Variants in SLC30A9 observed in about 807,000 individuals in gnomAD.
The protein encoded by SLC30A9 is proton-coupled zinc antiporter SLC30A9, mitochondrial.
A neutral mutation model predicts 87.5 loss-of-function variants in SLC30A9; 58 were observed. The observed-to-expected ratio is 0.66, with a 90% confidence interval of 0.54 to 0.82. The LOEUF (loss-of-function observed/expected upper bound fraction) is 0.82. Among genes scored for constraint, SLC30A9 ranks in the 40% least tolerant of loss-of-function variants. The pLI, the probability that SLC30A9 is intolerant of heterozygous loss-of-function variation, is 0.00. For missense variants in SLC30A9, 557 were observed against 679.1 expected, an observed-to-expected ratio of 0.82 and a Z score of 2.00; for synonymous variants, 234 against 233.0, an observed-to-expected ratio of 1.00 and a Z score of -0.04.
chr4:42,050,692 G>A (rs1717349618), intron 9 of SLC30A9, among the ~76,000 whole-genome samples: 1 of 152,202 alleles, frequency 6.6e-6, no homozygotes, highest in Admixed American at 6.5e-5. Context: ...CAGGGATTGA[G>A]TTTAATCTTT....
At chr4:42,001,892 T>A (rs1442160180) in intron 2 of SLC30A9, 112 bp downstream of exon 2, 1 of 643,068 alleles carries the variant, frequency 1.6e-6, no homozygotes, top group Non-Finnish European at 2.6e-6. Context: ...TCTGGACTGA[T>A]GTTTTCTTTG....
At chr4:42,016,827 A>G (rs946289561) in intron 2 of SLC30A9, among the ~76,000 whole-genome samples, 13 of 120,890 alleles carry the variant, frequency 1.1e-4, no homozygotes, top group African/African-American at 3.1e-4. Flanking sequence ...CTATCTATCT[A>G]TCTGTTCTCT....
chr4:42,030,038 G>A (rs907634649), intron 6 of SLC30A9: 6 of 879,528 alleles, frequency 6.8e-6, no homozygotes, highest in African/African-American at 3.2e-5. Context: ...TTCGCCTAGT[G>A]TAAAGCAGAT....
chr4:41,994,159 A>AG (rs1714586448), intron 1 of SLC30A9, among the ~76,000 whole-genome samples: 1 of 69,730 alleles, frequency 1.4e-5, no homozygotes, highest in Admixed American at 1.9e-4. Flanking sequence ...CCATCTCAAA[A>AG]GAAAAAAAAA....
Position 41,990,530 on chromosome 4 carries a change from A to G in SLC30A9, c.-122A>G, listed in dbSNP as rs1714370770. 1 of 583,250 alleles carries G rather than the reference A, an allele frequency of 1.7e-6. No homozygotes were observed. The highest frequency in any genetic ancestry group is 3.0e-6 in the Non-Finnish European group (1 of 336,384). 36.1% of individuals were successfully genotyped at this position (583,250 alleles called of 1,614,324 possible). A position where few individuals can be genotyped will look rare whatever the true frequency, so the allele number is the denominator to read the frequency against. ...TGACGTTGCCGTTTCCGGGTCACCC[A>G]GGCAGCTTGTGGCGGCGAAGCCATC... On this transcript the variant is annotated 5_prime_UTR_variant, in exon 1 of 18. Coordinates refer to ENST00000264451, the MANE Select transcript of SLC30A9 (RefSeq NM_006345.4).
intron 15 of SLC30A9, among the ~76,000 whole-genome samples, chr4:42,073,188 C>G (rs906655277): frequency 1.3e-5 from 2 of 152,150 alleles, no homozygotes; most frequent in Non-Finnish European, 2.9e-5. Context: ...CTGAAAGTAT[C>G]GAAGTCTCTA....
chr4:42,073,810 C>T (rs1246666361), intron 15 of SLC30A9, among the ~76,000 whole-genome samples: 1 of 152,224 alleles, frequency 6.6e-6, no homozygotes, highest in East Asian at 1.9e-4. Context: ...TTGGAAATGA[C>T]ATCTCATCAC....
intron 9 of SLC30A9, among the ~76,000 whole-genome samples, chr4:42,056,543 C>T (rs1717620969): frequency 6.6e-6 from 1 of 152,106 alleles, no homozygotes; most frequent in Non-Finnish European, 1.5e-5. Flanking sequence ...AGTTACCTCC[C>T]ACTAGGTCCC....
chr4:42,044,321 C>T (rs560330876), intron 8 of SLC30A9, among the ~76,000 whole-genome samples: 34 of 142,954 alleles, frequency 2.4e-4, no homozygotes, highest in South Asian at 6.5e-4. Flanking sequence ...ACCCATCTGA[C>T]GTGCAAAGAC....
intron 3 of SLC30A9, chr4:42,018,614 G>T: frequency 7.7e-6 from 2 of 258,954 alleles, no homozygotes; most frequent in South Asian, 9.7e-5. Context: ...CTCCAAAGCA[G>T]CTGTTTCATG....
chr4:42,065,248 T>C lies in SLC30A9; in HGVS notation c.1033-62T>C, dbSNP rs527299865. 3.5e-6 allele frequency: 3 copies of C among 868,014 alleles called. No homozygotes were observed. The African/African-American group carries it at 5.0e-5, about 14-fold the overall frequency. The allele number at this position is 868,014 out of a possible 1,614,324, so 53.8% of individuals were successfully genotyped here. On this transcript the variant is annotated intron_variant, in intron 11 of 17. Transcript: ENST00000264451. The stretch of plus-strand genomic sequence containing the variant: ...TTTGTTTTAGACATTACGGACTTTA[T>C]ATATGAACAATTGTGATTGGAAGTA...
intron 14 of SLC30A9, among the ~76,000 whole-genome samples, chr4:42,067,934 T>G (rs1392030171): frequency 2.0e-5 from 3 of 152,196 alleles, no homozygotes; most frequent in African/African-American, 7.2e-5. Flanking sequence ...GGACAATAAC[T>G]GATGTATGAA....
At chr4:42,063,352 C>T (rs1211682968) in intron 11 of SLC30A9, among the ~76,000 whole-genome samples, 3 of 152,182 alleles carry the variant, frequency 2.0e-5, no homozygotes, top group Non-Finnish European at 4.4e-5. Context: ...AATTATCAAG[C>T]CCTGCTCCTT....
At chr4:42,049,252 C>T in intron 8 of SLC30A9, 125 bp from the exon 9 acceptor site, 2 of 552,136 alleles carry the variant, frequency 3.6e-6, no homozygotes, top group East Asian at 5.8e-5. Context: ...AGGTGTGAGC[C>T]ATTGTGCTTA....
At position 41,994,529 on chromosome 4, in the gene SLC30A9, G is replaced by A. The variant is rs138342707; in HGVS notation, c.109+3769G>A. Among the ~76,000 whole-genome samples the A allele has an allele frequency of 6.2e-4, 94 of 151,404 alleles. 2 individuals carry two copies. Among genetic ancestry groups the A allele is most frequent in the African/African-American group, 1.7e-3 (72 of 41,214 alleles). On this transcript the variant is annotated intron_variant, in intron 1 of 17. Coordinates refer to ENST00000264451, the MANE Select transcript of SLC30A9 (RefSeq NM_006345.4). ...TTAATAAAAGTGTAATTTTTAAATA[G>A]AAAATAGAAATCAAACATACTATGT...
At chr4:41,996,641 T>G (rs1352275482) in intron 1 of SLC30A9, among the ~76,000 whole-genome samples, 1 of 150,746 alleles carries the variant, frequency 6.6e-6, no homozygotes, top group African/African-American at 2.4e-5. Flanking sequence ...TACTCAGGAG[T>G]CTGAGATGGG....
At chr4:42,004,216 A>G (rs1715103211) in intron 2 of SLC30A9, among the ~76,000 whole-genome samples, 1 of 152,194 alleles carries the variant, frequency 6.6e-6, no homozygotes, top group Non-Finnish European at 1.5e-5. Context: ...ATTTGACAGC[A>G]TTTTAAATTT....
chr4:42,033,675 A>C (rs2153136853), intron 6 of SLC30A9, among the ~76,000 whole-genome samples: 1 of 152,180 alleles, frequency 6.6e-6, no homozygotes, highest in East Asian at 1.9e-4. Flanking sequence ...TCCTGGGTTC[A>C]AGCAATTCTC....
intron 9 of SLC30A9, among the ~76,000 whole-genome samples, chr4:42,056,633 G>A (rs546692853): frequency 9.9e-5 from 15 of 151,926 alleles, no homozygotes; most frequent in East Asian, 5.8e-4. Context: ...AGCCCCTCCC[G>A]AATCTCATGT....
Sources: allele counts gnomAD v4.1 joint callset (sites outside exome capture counted in the v4.1 genomes callset), GRCh38; gene constraint gnomAD v4.1.1; transcripts MANE v1.5; gene names NCBI Gene and HGNC (gene_info 2026-07-23, HGNC 2026-07-21).